AKAP6: variants seen among roughly 807,000 people sequenced by gnomAD.
The protein encoded by AKAP6 is A-kinase anchoring protein 6, also known as A-kinase anchor protein 6.
Under a neutral mutation model 188.5 loss-of-function variants are expected in AKAP6, and 58 were observed. That is an observed-to-expected ratio of 0.31 (90% CI 0.25 to 0.38). The LOEUF is 0.38. AKAP6 is among the 10% of genes least tolerant of loss of function. The pLI is 1.00. For missense variants in AKAP6, 2,710 were observed against 2,740.0 expected, an observed-to-expected ratio of 0.99 and a Z score of 0.24; for synonymous variants, 989 against 998.6, an observed-to-expected ratio of 0.99 and a Z score of 0.18.
intron 7 of AKAP6, among the ~76,000 whole-genome samples, chr14:32,601,776 T>C (rs1885936509): frequency 6.6e-6 from 1 of 152,208 alleles, no homozygotes; most frequent in Non-Finnish European, 1.5e-5. Context: ...ACACAGCAAG[T>C]TAAACAAATA....
At chr14:32,338,967 TC>T (rs1405270433) in intron 1 of AKAP6, among the ~76,000 whole-genome samples, 1 of 152,156 alleles carries the variant, frequency 6.6e-6, no homozygotes, top group African/African-American at 2.4e-5. Context: ...AGAGAAGAAC[TC>T]TTTAATATAT....
chr14:32,389,165 A>G (rs779301556), intron 1 of AKAP6, among the ~76,000 whole-genome samples: 14 of 152,154 alleles, frequency 9.2e-5, no homozygotes, highest in Non-Finnish European at 1.9e-4. Context: ...AGCTACTCCT[A>G]CTTGCTTTTG....
At chr14:32,770,700 A>G (rs1034263588) in intron 11 of AKAP6, among the ~76,000 whole-genome samples, 2 of 152,212 alleles carry the variant, frequency 1.3e-5, no homozygotes, top group East Asian at 3.9e-4. Flanking sequence ...ATTCCCCTGA[A>G]TATTTCATTG....
At chr14:32,530,387 A>G (rs1014486164) in intron 2 of AKAP6, among the ~76,000 whole-genome samples, 3 of 151,794 alleles carry the variant, frequency 2.0e-5, no homozygotes, top group African/African-American at 7.3e-5. Flanking sequence ...AGAGGATTGC[A>G]TTTGTGCAAC....
At chr14:32,507,004 G>A (rs1880914712) in intron 2 of AKAP6, among the ~76,000 whole-genome samples, 1 of 152,072 alleles carries the variant, frequency 6.6e-6, no homozygotes, top group South Asian at 2.1e-4. Flanking sequence ...GTTATACAAA[G>A]GAAGGAGACA....
chr14:32,731,067 C>T (rs939271563), intron 9 of AKAP6, among the ~76,000 whole-genome samples: 4 of 152,150 alleles, frequency 2.6e-5, no homozygotes, highest in African/African-American at 9.7e-5. Flanking sequence ...TACTCTGACA[C>T]CCTGATCAAC....
chr14:32,605,386 T>C (rs972513877), intron 7 of AKAP6, among the ~76,000 whole-genome samples: 2 of 152,070 alleles, frequency 1.3e-5, no homozygotes, highest in Admixed American at 6.6e-5. Flanking sequence ...GTGTAAAAAC[T>C]GTGGTGTGGC....
chr14:32,419,727 A>T (rs376180638), intron 1 of AKAP6, among the ~76,000 whole-genome samples: 7 of 152,210 alleles, frequency 4.6e-5, no homozygotes, highest in African/African-American at 1.4e-4. Flanking sequence ...AATGAAGCAA[A>T]TGCAACCTCA....
chr14:32,550,634 T>C (rs1266086474), intron 4 of AKAP6, among the ~76,000 whole-genome samples: 1 of 152,222 alleles, frequency 6.6e-6, no homozygotes, highest in Non-Finnish European at 1.5e-5. Context: ...GCTATCACAC[T>C]CTAGCTTTGG....
At chr14:32,461,399 G>C (rs1891318104) in intron 2 of AKAP6, among the ~76,000 whole-genome samples, 2 of 152,240 alleles carry the variant, frequency 1.3e-5, no homozygotes, top group Admixed American at 6.5e-5. Context: ...AATCTTTGCT[G>C]TTCTGCAGTC....
In AKAP6 at chr14:32,760,724, T is replaced by G. The variant is rs61631050; in HGVS notation, c.3373-12954T>G. The stretch of plus-strand genomic sequence containing the variant: ...ATTAGCTTTATTCAAGAAAATGGTC[T>G]TGAAAAATTCTCCTAGATCTTCACT... On this transcript the variant is annotated intron_variant, in intron 11 of 13. Coordinates refer to ENST00000280979, the MANE Select transcript of AKAP6 (RefSeq NM_004274.5). Among the ~76,000 whole-genome samples, 1,298 of 152,270 alleles carry G rather than the reference T, an allele frequency of 8.5e-3. 12 individuals carry two copies. The highest frequency in any genetic ancestry group is 0.029 in the African/African-American group (1,220 of 41,546).
intron 5 of AKAP6, among the ~76,000 whole-genome samples, chr14:32,579,399 A>G (rs1409094825): frequency 2.6e-5 from 4 of 152,180 alleles, no homozygotes; most frequent in Non-Finnish European, 5.9e-5. Context: ...ATTGATTGGA[A>G]TAGAGATATC....
intron 12 of AKAP6, among the ~76,000 whole-genome samples, chr14:32,778,349 G>C (rs2033131903): frequency 6.6e-6 from 1 of 152,064 alleles, no homozygotes; most frequent in African/African-American, 2.4e-5. Flanking sequence ...AAATCAAGTT[G>C]ATAACAGCTT....
chr14:32,736,264 C>T lies in AKAP6; in HGVS notation c.3372+382C>T, dbSNP rs148872935. 2.9e-4 allele frequency among the ~76,000 whole-genome samples: 44 copies of T among 152,190 alleles called. No homozygotes were observed. The East Asian group carries it at 7.5e-3, about 26-fold the overall frequency. ...TACACAAATTGATATGATAAAAACA[C>T]ATGATTTAATCGAAGTCCATTACTG... On this transcript the variant is annotated intron_variant, in intron 11 of 13. Coordinates refer to ENST00000280979, the MANE Select transcript of AKAP6 (RefSeq NM_004274.5).
intron 1 of AKAP6, among the ~76,000 whole-genome samples, chr14:32,412,878 A>G (rs1010734557): frequency 3.9e-5 from 6 of 152,202 alleles, no homozygotes. Flanking sequence ...GTTAAAGAAA[A>G]AAGATGGTAT....
At chr14:32,509,732 G>A (rs886438317) in intron 2 of AKAP6, among the ~76,000 whole-genome samples, 3 of 152,034 alleles carry the variant, frequency 2.0e-5, no homozygotes, top group Non-Finnish European at 4.4e-5. Context: ...GTAGATTAGG[G>A]CACTGTCTGC....
chr14:32,800,313 G>A (rs1462693918), intron 12 of AKAP6, among the ~76,000 whole-genome samples: 8 of 151,206 alleles, frequency 5.3e-5, no homozygotes, highest in Non-Finnish European at 1.0e-4. Flanking sequence ...GAGGTGGGAG[G>A]ATTGCTCAAG....
At position 32,703,845 on chromosome 14, in the gene AKAP6, G is replaced by C. The variant is rs999462702; in HGVS notation, c.3000+7735G>C. Among the ~76,000 whole-genome samples, 10 of 152,226 alleles carry C rather than the reference G, an allele frequency of 6.6e-5. 1 individual carries two copies. Reference sequence around the variant, plus strand: ...ACTTGGTAAAGGGTTAACAGTCTGAGACTTGCTGTGATGTGAAGCACATCT... The same window carrying C: ...ACTTGGTAAAGGGTTAACAGTCTGACACTTGCTGTGATGTGAAGCACATCT... On this transcript the variant is annotated intron_variant, in intron 9 of 13. Transcript: ENST00000280979.
intron 12 of AKAP6, among the ~76,000 whole-genome samples, chr14:32,813,513 T>C (rs1594974229): frequency 6.7e-6 from 1 of 150,186 alleles, no homozygotes; most frequent in African/African-American, 2.4e-5. Flanking sequence ...TGCCCTAAAT[T>C]TTCTCATTAG....
Sources: allele counts gnomAD v4.1 joint callset (sites outside exome capture counted in the v4.1 genomes callset), GRCh38; gene constraint gnomAD v4.1.1; transcripts MANE v1.5; gene names NCBI Gene and HGNC (gene_info 2026-07-23, HGNC 2026-07-21).